Variants in RFX4 observed in about 807,000 individuals in gnomAD.
The protein encoded by RFX4 is transcription factor RFX4.
A neutral mutation model predicts 95.0 loss-of-function variants in RFX4; 10 were observed. The observed-to-expected ratio is 0.11, with a 90% CI of 0.06 to 0.18. The LOEUF (loss-of-function observed/expected upper bound fraction) is 0.18, where lower values mean the gene tolerates loss of function less well. Ranked by LOEUF, RFX4 falls within the 10% of genes least tolerant of loss-of-function variation. RFX4 has a pLI of 1.00. For synonymous variants in RFX4, 321 were observed against 340.7 expected (o/e 0.94, Z 0.64); for missense variants, 640 against 922.0 (o/e 0.69, Z 3.96).
rs181518029 is a variant in RFX4, at chr12:106,640,874, G to A, written c.191+1482G>A. Among the ~76,000 whole-genome samples the A allele has an allele frequency of 2.0e-5, 3 of 147,852 alleles. No individual in the cohort carries two copies. In the East Asian group the frequency reaches 6.0e-4, roughly 29 times the overall value. On this transcript the variant is annotated intron_variant, in intron 3 of 17. Transcript: ENST00000392842. ...TGGCTCACTGCAACCTCTACTTTCT[G>A]GGTTCAAGTGATCCTCTTACCTCAG...
chr12:106,608,968 C>T (rs1413765128), intron 2 of RFX4, 85 bp downstream of exon 2: 60 of 1,228,182 alleles, frequency 4.9e-5, no homozygotes, highest in Non-Finnish European at 6.8e-5. Flanking sequence ...GATTGCTAGG[C>T]TGGGCCAAGT....
intron 15 of RFX4, among the ~76,000 whole-genome samples, chr12:106,737,095 C>CACA (rs750571426): frequency 7.3e-5 from 11 of 151,008 alleles, no homozygotes; most frequent in Non-Finnish European, 1.5e-4. Context: ...TCCAGACCCT[C>CACA]ACAGCATGGA....
At chr12:106,709,146 C>G (rs569002446) in intron 8 of RFX4, among the ~76,000 whole-genome samples, 184 bp from the exon 9 acceptor site, 1 of 151,446 alleles carries the variant, frequency 6.6e-6, no homozygotes, top group Admixed American at 6.6e-5. Context: ...TATTCGTGCC[C>G]TTCCCAGACC....
chr12:106,598,653 T>C (rs2039654167), intron 1 of RFX4, among the ~76,000 whole-genome samples: 1 of 152,206 alleles, frequency 6.6e-6, no homozygotes, highest in African/African-American at 2.4e-5. Context: ...GGTTAAAATC[T>C]ATTTGGCTTC....
chr12:106,602,076 G>A (rs1049484971), intron 1 of RFX4, among the ~76,000 whole-genome samples: 4 of 152,180 alleles, frequency 2.6e-5, no homozygotes, highest in African/African-American at 9.7e-5. Flanking sequence ...GTGGGCATGA[G>A]GGCAGTGAGT....
intron 13 of RFX4, among the ~76,000 whole-genome samples, chr12:106,728,993 T>C (rs968016051): frequency 2.0e-5 from 3 of 152,210 alleles, no homozygotes; most frequent in Admixed American, 6.5e-5. Flanking sequence ...TGAAGGCCCA[T>C]GTCAAATCCG....
intron 7 of RFX4, among the ~76,000 whole-genome samples, 163 bp from the exon 8 acceptor site, chr12:106,696,119 AC>A (rs1240391167): frequency 6.6e-6 from 1 of 152,108 alleles, no homozygotes. Flanking sequence ...AGCAGGAGAA[AC>A]TCCCAGGGCC....
rs115277336 is a variant in RFX4 at position 106,654,645 on chromosome 12, G to A, written c.315+294G>A. 8.3e-3 allele frequency among the ~76,000 whole-genome samples: 1,261 copies of A among 152,266 alleles called. 24 individuals carry two copies. Among genetic ancestry groups the A allele is most frequent in the African/African-American group, 0.029 (1,204 of 41,534 alleles). The stretch of plus-strand genomic sequence containing the variant: ...ATTGAACTCACAAGTGTGTTACATG[G>A]ATGTCAATCAGCCTGGGACAGGCAA... On this transcript the variant is annotated intron_variant, in intron 4 of 17. Transcript: ENST00000392842.
intron 1 of RFX4, among the ~76,000 whole-genome samples, chr12:106,595,779 A>C (rs2039609083): frequency 6.6e-6 from 1 of 152,222 alleles, no homozygotes; most frequent in Non-Finnish European, 1.5e-5. Context: ...CATCGATAGA[A>C]TCATTAACAG....
At chr12:106,758,957 T>C (rs2043160705) in intron 17 of RFX4, among the ~76,000 whole-genome samples, 1 of 152,218 alleles carries the variant, frequency 6.6e-6, no homozygotes, top group South Asian at 2.1e-4. Flanking sequence ...AACGTCCCAA[T>C]GTTCATTTGC....
intron 9 of RFX4, among the ~76,000 whole-genome samples, 189 bp from the exon 10 acceptor site, chr12:106,711,264 G>A (rs540756544): frequency 2.6e-5 from 4 of 152,332 alleles, no homozygotes; most frequent in Non-Finnish European, 5.9e-5. Flanking sequence ...GGAAGTAGTT[G>A]TTGAAGCCCA....
At chr12:106,758,353 C>T (rs1163042296) in intron 17 of RFX4, among the ~76,000 whole-genome samples, 3 of 152,146 alleles carry the variant, frequency 2.0e-5, no homozygotes, top group South Asian at 2.1e-4. Flanking sequence ...GCTGACCTAA[C>T]GGGACAGAAT....
intron 2 of RFX4, among the ~76,000 whole-genome samples, chr12:106,616,394 A>AT (rs1434915338): frequency 6.6e-6 from 1 of 152,106 alleles, no homozygotes; most frequent in Admixed American, 6.5e-5. Context: ...GGATTTTGGC[A>AT]TCTATGTTCA....
intron 17 of RFX4, among the ~76,000 whole-genome samples, chr12:106,753,521 A>G (rs2043050752): frequency 6.6e-6 from 1 of 152,128 alleles, no homozygotes; most frequent in Admixed American, 6.5e-5. Flanking sequence ...GCAAAGATGA[A>G]GTCCAGTATC....
intron 2 of RFX4, among the ~76,000 whole-genome samples, chr12:106,638,069 G>A (rs1265568996): frequency 1.1e-4 from 17 of 149,700 alleles, no homozygotes; most frequent in Non-Finnish European, 1.8e-4. Flanking sequence ...GTGCAGTGCT[G>A]TGATCTTGGC....
intron 11 of RFX4, among the ~76,000 whole-genome samples, chr12:106,715,772 G>A (rs1483550047): frequency 2.6e-5 from 4 of 152,016 alleles, no homozygotes; most frequent in African/African-American, 9.7e-5. Flanking sequence ...GTGCAATTGG[G>A]CAGCATACAG....
At chr12:106,655,686 C>A (rs975686806) in intron 4 of RFX4, among the ~76,000 whole-genome samples, 1 of 152,270 alleles carries the variant, frequency 6.6e-6, no homozygotes, top group Admixed American at 6.5e-5. Context: ...TTGGGTGAAC[C>A]AAAAGACCAA....
rs555037216 is a variant in RFX4 at position 106,654,152 on chromosome 12, A to C, written c.192-76A>C. On this transcript the variant is annotated intron_variant, in intron 3 of 17. Transcript: ENST00000392842. ...ATTTCTAAGGACTGCCCATCTCTGG[A>C]GGACTAGAAAGAACAGACCGTTCTT... The C allele has an allele frequency of 4.2e-5, 66 of 1,584,536 alleles. No individual in the cohort carries two copies. The African/African-American group carries it at 6.6e-4, about 16-fold the overall frequency.
intron 3 of RFX4, among the ~76,000 whole-genome samples, chr12:106,642,813 G>T (rs1237230826): frequency 6.6e-6 from 1 of 152,146 alleles, no homozygotes; most frequent in African/African-American, 2.4e-5. Flanking sequence ...GAAAACCAGG[G>T]ACAGGGGAAT....
Sources: allele counts gnomAD v4.1 joint callset (sites outside exome capture counted in the v4.1 genomes callset), GRCh38; gene constraint gnomAD v4.1.1; transcripts MANE v1.5; gene names NCBI Gene and HGNC (gene_info 2026-07-23, HGNC 2026-07-21).